Variants in GFM1 observed in about 807,000 individuals in gnomAD.
The protein encoded by GFM1 is G elongation factor mitochondrial 1.
GFM1 carries 62 observed loss-of-function variants against 96.2 expected under a neutral mutation model. That is an observed-to-expected ratio of 0.64 (90% CI 0.53 to 0.80). GFM1 has a LOEUF of 0.80. GFM1 is among the 30% of genes least tolerant of loss of function. GFM1 has a pLI of 0.00. For missense variants in GFM1, 852 were observed against 916.6 expected (o/e 0.93, Z 0.91); for synonymous variants, 282 against 312.9 (o/e 0.90, Z 1.04).
intron 4 of GFM1, among the ~76,000 whole-genome samples, chr3:158,647,757 C>T (rs1012277781): frequency 2.0e-5 from 3 of 152,090 alleles, no homozygotes; most frequent in Admixed American, 6.6e-5. Context: ...TTATGCTTGG[C>T]AATAGATGGT....
chr3:158,657,981 GT>G (rs1722901137), intron 8 of GFM1, among the ~76,000 whole-genome samples: 1 of 151,804 alleles, frequency 6.6e-6, no homozygotes, highest in African/African-American at 2.4e-5. Flanking sequence ...AAAAATTTCT[GT>G]TTTTACCTAT....
At chr3:158,646,358 C>G in intron 3 of GFM1, 61 bp downstream of exon 3, 2 of 1,558,804 alleles carry the variant, frequency 1.3e-6, no homozygotes, top group Admixed American at 3.3e-5. Context: ...GGTTCTTTCT[C>G]TTACTGTGAC....
rs1402350666 is a variant in GFM1, at chr3:158,694,679, C to T, written c.*3212C>T. 6.6e-6 allele frequency among the ~76,000 whole-genome samples: 1 copy of T among 151,934 alleles called. No homozygotes were observed. The highest frequency in any genetic ancestry group is 1.5e-5 in the Non-Finnish European group (1 of 67,994). On this transcript the variant is annotated 3_prime_UTR_variant, in exon 18 of 18. Transcript: ENST00000486715. ...TCTGGAGTAGCTGGGACAAGAGGCACACACCACCATGCCTGGCTTGATAAC... is the reference window on the plus strand; with the variant it reads ...TCTGGAGTAGCTGGGACAAGAGGCATACACCACCATGCCTGGCTTGATAAC...
chr3:158,677,569 C>T lies in GFM1; in HGVS notation c.1602-4426C>T, dbSNP rs747086999. On this transcript the variant is annotated intron_variant, in intron 13 of 17. Transcript: ENST00000486715. ...AGGCTGGAGTGCAGTGGCACGATCTCGGCTCACTACAGTGAGCCTCTGCTT... is the reference window on the plus strand; with the variant it reads ...AGGCTGGAGTGCAGTGGCACGATCTTGGCTCACTACAGTGAGCCTCTGCTT... Among the ~76,000 whole-genome samples, 7 of 152,216 alleles carry T rather than the reference C, an allele frequency of 4.6e-5. No homozygotes were observed. In the East Asian group the frequency reaches 5.8e-4, roughly 13 times the overall value.
intron 13 of GFM1, among the ~76,000 whole-genome samples, chr3:158,673,817 T>A (rs1724614356): frequency 1.3e-5 from 2 of 152,034 alleles, no homozygotes; most frequent in Admixed American, 1.3e-4. Context: ...ACCTTTAACT[T>A]GGTAGTAATG....
chr3:158,648,414 C>T (rs1722008628), intron 4 of GFM1, among the ~76,000 whole-genome samples: 1 of 152,110 alleles, frequency 6.6e-6, no homozygotes, highest in Admixed American at 6.6e-5. Context: ...CGCGGTGGCT[C>T]ACACCTGTAA....
intron 1 of GFM1, 134 bp from the exon 2 acceptor site, chr3:158,645,495 C>G (rs1174786151): frequency 1.3e-6 from 1 of 759,818 alleles, no homozygotes; most frequent in Non-Finnish European, 2.3e-6. Context: ...AAAGGTTTCC[C>G]CTGGTGCCTT....
chr3:158,662,791 T>G, intron 11 of GFM1, 107 bp downstream of exon 11: 1 of 769,466 alleles, frequency 1.3e-6, no homozygotes, highest in Non-Finnish European at 2.4e-6. Flanking sequence ...AGTCTTATGG[T>G]CTCTATTTCC....
Position 158,645,714 on chromosome 3 carries a change from A to T in GFM1, c.167A>T (p.Asp56Val). 6.2e-7 allele frequency: 1 copy of T among 1,612,412 alleles called. No homozygotes were observed. The highest frequency in any genetic ancestry group is 8.5e-7 in the Non-Finnish European group (1 of 1,178,396). The change falls in exon 2 of 18, where the codon GAT (aspartate) becomes GTT (valine). Residue 56 changes from aspartate to valine, a missense_variant. Coordinates refer to ENST00000486715, the MANE Select transcript of GFM1 (RefSeq NM_024996.7). ...AATATTGGAATCTCAGCTCACATTGATTCTGGGAAAACTACATTAACAGAA... is the reference window on the plus strand; with the variant it reads ...AATATTGGAATCTCAGCTCACATTGTTTCTGGGAAAACTACATTAACAGAA... The part of the protein sequence containing the change: ...IRNIGISAHI[D>V]SGKTTLTERV...
intron 3 of GFM1, among the ~76,000 whole-genome samples, chr3:158,646,505 G>GA: frequency 6.6e-6 from 1 of 152,308 alleles, no homozygotes; most frequent in Middle Eastern, 3.4e-3. Flanking sequence ...TGAGTAGGCA[G>GA]ATTCTTGCCT....
At chr3:158,681,483 G>A (rs752883556) in intron 13 of GFM1, among the ~76,000 whole-genome samples, 15 of 152,192 alleles carry the variant, frequency 9.9e-5, no homozygotes, top group Middle Eastern at 3.4e-3. Context: ...TTTTGCCACC[G>A]ATCATTTTCA....
At chr3:158,655,699 C>A in intron 8 of GFM1, 1 of 282,594 alleles carries the variant, frequency 3.5e-6, no homozygotes. Context: ...TCCTGTATAT[C>A]CTGCACCCAG....
At chr3:158,671,148 G>GA (rs933591238) in intron 13 of GFM1, 2 of 1,215,184 alleles carry the variant, frequency 1.6e-6, no homozygotes, top group African/African-American at 3.2e-5. Flanking sequence ...CTTAGGTCTT[G>GA]AAAAAGGCAT....
At position 158,690,317 on chromosome 3, in the gene GFM1, T is replaced by A; in HGVS notation, c.2064T>A (p.Tyr688Ter). The A allele has an allele frequency of 6.2e-7, 1 of 1,613,732 alleles. No individual in the cohort carries two copies. The highest frequency in any genetic ancestry group is 1.6e-4 in the Middle Eastern group (1 of 6,062). Residue 688 changes from tyrosine (Y) to a stop codon, truncating the protein, a stop_gained, in exon 16 of 18, where the codon TAT (tyrosine) becomes TAA (stop). Transcript: ENST00000486715. LOFTEE classifies it high-confidence loss of function. ...GAGTTGAGGACTATTTTACACTGTATGCAGATGTAAGTAGTCTTGGTCATT... is the reference window on the plus strand; with the variant it reads ...GAGTTGAGGACTATTTTACACTGTAAGCAGATGTAAGTAGTCTTGGTCATT... ...QDGVEDYFTL[Y>*]ADVPLNDMFG...
intron 13 of GFM1, among the ~76,000 whole-genome samples, chr3:158,675,285 C>CAA (rs1172885215): frequency 3.4e-3 from 178 of 52,512 alleles, no homozygotes; most frequent in East Asian, 0.012. Context: ...GACTCCATCT[C>CAA]AAAAAAAAAA....
At chr3:158,649,324 T>G (rs915885715) in intron 5 of GFM1, 167 bp downstream of exon 5, 7 of 509,216 alleles carry the variant, frequency 1.4e-5, no homozygotes, top group African/African-American at 1.4e-4. Flanking sequence ...GCTCCCCATT[T>G]TATTTAGTAT....
chr3:158,659,968 T>G (rs932778869), intron 9 of GFM1, among the ~76,000 whole-genome samples: 1 of 152,154 alleles, frequency 6.6e-6, no homozygotes, highest in African/African-American at 2.4e-5. Flanking sequence ...ACATGCTTAC[T>G]CACAGCCACA....
At chr3:158,690,660 T>C (rs1726234709) in intron 16 of GFM1, 1 of 340,990 alleles carries the variant, frequency 2.9e-6, no homozygotes, top group East Asian at 7.8e-5. Flanking sequence ...AATTACTTTA[T>C]TGTTATCTTT....
At chr3:158,681,961 A>G (rs1725414683) in intron 13 of GFM1, 34 bp from the exon 14 acceptor site, 4 of 1,547,636 alleles carry the variant, frequency 2.6e-6, no homozygotes, top group Non-Finnish European at 2.6e-6. Flanking sequence ...TAATTACATA[A>G]TGCTCCATTT....
Sources: gnomAD v4.1 joint callset for allele counts (sites outside exome capture counted in the v4.1 genomes callset) on GRCh38, gnomAD v4.1.1 for gene constraint, MANE v1.5 for transcripts, NCBI Gene and HGNC (gene_info 2026-07-23, HGNC 2026-07-21) for gene names.